The following JADE3 variants were observed in gnomAD, a reference collection of about 807,000 sequenced individuals.
JADE3 encodes the protein protein Jade-3.
In JADE3, 2 loss-of-function variants were observed where a neutral mutation model predicts 50.1. That is an observed-to-expected ratio of 0.04 (90% confidence interval 0.02 to 0.13). The LOEUF (loss-of-function observed/expected upper bound fraction) is 0.13, where lower values mean the gene tolerates loss of function less well. Among genes scored for constraint, JADE3 ranks in the 10% least tolerant of loss-of-function variants. JADE3 has a pLI of 1.00. For missense variants in JADE3, 475 were observed against 634.4 expected, an observed-to-expected ratio of 0.75 and a Z score of 2.70; for synonymous variants, 218 against 232.9, an observed-to-expected ratio of 0.94 and a Z score of 0.58.
intron 1 of JADE3, among the ~76,000 whole-genome samples, chrX:46,929,288 T>C (rs1010144156): frequency 1.8e-4 from 20 of 112,635 alleles, no homozygotes; most frequent in Admixed American, 1.4e-3. Flanking sequence ...TTAGCTCTCT[T>C]TGGAATAACT....
intron 4 of JADE3, among the ~76,000 whole-genome samples, chrX:47,016,265 C>T (rs1194591318): frequency 1.8e-5 from 2 of 111,672 alleles, no homozygotes; most frequent in Non-Finnish European, 3.8e-5. Context: ...GTGAACACCT[C>T]GCACTTCTCT....
chrX:47,041,412 A>G (rs1929250459), intron 8 of JADE3, among the ~76,000 whole-genome samples: 1 of 110,384 alleles, frequency 9.1e-6, no homozygotes, highest in South Asian at 3.9e-4. Flanking sequence ...TTGTTGTGGG[A>G]CAGGGTCTCA....
At chrX:46,975,717 T>TTC (rs1340369126) in intron 1 of JADE3, among the ~76,000 whole-genome samples, 27 of 64,520 alleles carry the variant, frequency 4.2e-4, no homozygotes, top group East Asian at 2.5e-3. Context: ...TCTTTTTCTT[T>TTC]TTTTTTTTTT....
At chrX:46,929,415 A>G (rs1926445154) in intron 1 of JADE3, among the ~76,000 whole-genome samples, 2 of 112,198 alleles carry the variant, frequency 1.8e-5, no homozygotes, top group Non-Finnish European at 1.9e-5. Context: ...AAGAGCTCCA[A>G]TTATGCCCCT....
chrX:46,913,386 G>A (rs929979542), intron 1 of JADE3, among the ~76,000 whole-genome samples: 1 of 110,989 alleles, frequency 9.0e-6, no homozygotes, highest in Non-Finnish European at 1.9e-5. Flanking sequence ...GGCATTGTTC[G>A]AACTGCGGGT....
chrX:46,933,822 C>T (rs1298081414), intron 1 of JADE3, among the ~76,000 whole-genome samples: 1 of 110,824 alleles, frequency 9.0e-6, no homozygotes, highest in Admixed American at 9.6e-5. Context: ...CAGCTTCTGC[C>T]CCAGGATGTA....
intron 1 of JADE3, among the ~76,000 whole-genome samples, chrX:46,936,873 T>C: frequency 8.9e-6 from 1 of 111,836 alleles, no homozygotes; most frequent in East Asian, 2.8e-4. Context: ...TAGAGGTTTA[T>C]CAATTTTGTT....
In JADE3 at chrX:46,925,840, AG is replaced by A. The variant is rs1281492960; in HGVS notation, c.-12+13122del. Among the ~76,000 whole-genome samples, 4 of 101,534 alleles carry A rather than the reference AG, an allele frequency of 3.9e-5. No homozygotes were observed. In the Admixed American group the frequency reaches 4.3e-4, roughly 11 times the overall value. 88.2% of individuals were successfully genotyped at this position (101,534 alleles called of 115,157 possible). A position where few individuals can be genotyped will look rare whatever the true frequency, so the allele number is the denominator to read the frequency against. ...CTCCGTCTAAAAAAAAAAAAAAAAA[AG>A]ATGACCTATTGACTTTTTTTTTTCT... is the stretch of plus-strand genomic sequence containing the variant. On this transcript the variant is annotated intron_variant, in intron 1 of 10. Transcript: ENST00000614628.
chrX:46,999,050 A>G (rs933235659), intron 4 of JADE3, among the ~76,000 whole-genome samples: 3 of 111,196 alleles, frequency 2.7e-5, no homozygotes, highest in Non-Finnish European at 5.6e-5. Flanking sequence ...AAGACTGGGA[A>G]GTCCAAGGGC....
intron 4 of JADE3, among the ~76,000 whole-genome samples, chrX:46,999,966 T>G (rs1928242540): frequency 9.0e-6 from 1 of 111,472 alleles, no homozygotes; most frequent in Non-Finnish European, 1.9e-5. Flanking sequence ...CATCAATTTC[T>G]GTTACATATT....
At chrX:46,930,893 GC>G (rs1332013582) in intron 1 of JADE3, among the ~76,000 whole-genome samples, 2 of 111,168 alleles carry the variant, frequency 1.8e-5, no homozygotes, top group Admixed American at 9.6e-5. Flanking sequence ...CAACTTCCCA[GC>G]CCCCCATCCA....
intron 1 of JADE3, among the ~76,000 whole-genome samples, chrX:46,933,555 C>T (rs1305873859): frequency 8.9e-6 from 1 of 111,802 alleles, no homozygotes; most frequent in Non-Finnish European, 1.9e-5. Flanking sequence ...AAAATTCAAA[C>T]TCAGAAGTAA....
intron 1 of JADE3, among the ~76,000 whole-genome samples, chrX:46,962,622 T>G (rs1241658908): frequency 8.9e-6 from 1 of 111,945 alleles, no homozygotes; most frequent in Non-Finnish European, 1.9e-5. Context: ...TTTCTTAATA[T>G]ATGTCCTTAA....
chrX:46,991,268 G>C (rs1348657732), intron 3 of JADE3, among the ~76,000 whole-genome samples: 1 of 107,351 alleles, frequency 9.3e-6, no homozygotes, highest in South Asian at 4.3e-4. Flanking sequence ...ATTTTTAATA[G>C]AGACGGAGTT....
chrX:46,941,890 ACCATG>A (rs1457110326), intron 1 of JADE3, among the ~76,000 whole-genome samples: 1 of 103,702 alleles, frequency 9.6e-6, no homozygotes, highest in African/African-American at 3.5e-5. Context: ...GGCAGGTGCC[ACCATG>A]CCTGGCTAAT....
At chrX:46,936,694 G>GTCCC (rs1156788573) in intron 1 of JADE3, among the ~76,000 whole-genome samples, 1 of 111,631 alleles carries the variant, frequency 9.0e-6, no homozygotes, top group Non-Finnish European at 1.9e-5. Flanking sequence ...AGTTTTAGTA[G>GTCCC]TTTGTTATTT....
chrX:46,980,024 T>C (rs1232344420), intron 1 of JADE3, among the ~76,000 whole-genome samples: 2 of 107,967 alleles, frequency 1.9e-5, no homozygotes, highest in Admixed American at 2.0e-4. Flanking sequence ...GGATTACAGG[T>C]GCATGCCACC....
intron 1 of JADE3, among the ~76,000 whole-genome samples, chrX:46,982,706 G>A (rs1252569397): frequency 9.0e-6 from 1 of 111,244 alleles, no homozygotes; most frequent in African/African-American, 3.3e-5. Context: ...GGGGGTACAA[G>A]CTTGTGTATG....
intron 1 of JADE3, among the ~76,000 whole-genome samples, chrX:46,955,421 C>T (rs1165444708): frequency 4.5e-5 from 5 of 111,647 alleles, no homozygotes; most frequent in Non-Finnish European, 7.5e-5. Context: ...TAATTATGTG[C>T]ATAAGGTTGA....
Sources: allele counts gnomAD v4.1 joint callset (sites outside exome capture counted in the v4.1 genomes callset), GRCh38; gene constraint gnomAD v4.1.1; transcripts MANE v1.5; gene names NCBI Gene and HGNC (gene_info 2026-07-23, HGNC 2026-07-21).